The following KDM4C variants were observed in gnomAD, a reference collection of about 807,000 sequenced individuals.
KDM4C encodes lysine demethylase 4C, also known as lysine-specific demethylase 4C.
In KDM4C, 81 loss-of-function variants were observed where a neutral mutation model predicts 129.3. The observed-to-expected ratio is 0.63, with a 90% CI of 0.52 to 0.75. KDM4C has a LOEUF of 0.75. Among genes scored for constraint, KDM4C ranks in the 30% least tolerant of loss-of-function variants. The probability of loss-of-function intolerance (pLI) is 0.00; values close to 1 mark genes in which losing one functional copy is unlikely to be tolerated. For missense variants in KDM4C, 1,457 were observed against 1,304.0 expected (o/e 1.12, Z -1.81); for synonymous variants, 573 against 456.1 (o/e 1.26, Z -3.26).
At chr9:6,943,350 A>G (rs551887843) in intron 8 of KDM4C, among the ~76,000 whole-genome samples, 127 of 152,348 alleles carry the variant, frequency 8.3e-4, no homozygotes, top group Non-Finnish European at 1.4e-3. Flanking sequence ...TGAAGTCATT[A>G]TCATTTGAGG....
chr9:6,725,605 A>G (rs1010059580), intron 1 of KDM4C, among the ~76,000 whole-genome samples: 3 of 152,074 alleles, frequency 2.0e-5, no homozygotes, highest in African/African-American at 7.2e-5. Flanking sequence ...CTCCTGCCTC[A>G]GCCTCCCAAG....
At chr9:7,143,968 T>C (rs1376127821) in intron 19 of KDM4C, among the ~76,000 whole-genome samples, 1 of 152,234 alleles carries the variant, frequency 6.6e-6, no homozygotes, top group African/African-American at 2.4e-5. Context: ...AGATAGAAGC[T>C]GTAGCTTATG....
chr9:6,953,138 A>G (rs1341286228), intron 8 of KDM4C, among the ~76,000 whole-genome samples: 1 of 152,226 alleles, frequency 6.6e-6, no homozygotes, highest in Non-Finnish European at 1.5e-5. Flanking sequence ...TGGAGTAGGC[A>G]GTAGATCTTT....
chr9:6,796,075 A>G lies in KDM4C; in HGVS notation c.144+2943A>G, dbSNP rs149830776. Among the ~76,000 whole-genome samples, 7 of 152,294 alleles carry G rather than the reference A, an allele frequency of 4.6e-5. No homozygotes were observed. In the East Asian group the frequency reaches 1.2e-3, roughly 25 times the overall value. The stretch of plus-strand genomic sequence containing the variant: ...ACAAGATAAAGAGAAAACAAACAGA[A>G]ACTAAAGCTTCGTAATGACTTTCTC... On this transcript the variant is annotated intron_variant, in intron 2 of 21. Coordinates refer to ENST00000381309, the MANE Select transcript of KDM4C (RefSeq NM_015061.6).
intron 1 of KDM4C, among the ~76,000 whole-genome samples, chr9:6,781,099 T>C (rs55842150): frequency 0.096 from 14,679 of 152,226 alleles, 827 homozygotes; most frequent in Non-Finnish European, 0.11. Context: ...GAAGTGATTG[T>C]GCCAGGCTAG....
intron 3 of KDM4C, among the ~76,000 whole-genome samples, chr9:6,809,307 T>A (rs1052513630): frequency 3.3e-5 from 5 of 152,224 alleles, no homozygotes; most frequent in Non-Finnish European, 7.3e-5. Flanking sequence ...AGAATTCTTT[T>A]ATAAGTGCAA....
chr9:6,901,872 T>C (rs1205222459), intron 8 of KDM4C, among the ~76,000 whole-genome samples: 1 of 152,236 alleles, frequency 6.6e-6, no homozygotes, highest in Non-Finnish European at 1.5e-5. Context: ...TTCTGTATAG[T>C]GGCGCTTACA....
chr9:7,145,541 C>A (rs1842144133), intron 19 of KDM4C, among the ~76,000 whole-genome samples: 1 of 152,224 alleles, frequency 6.6e-6, no homozygotes, highest in Non-Finnish European at 1.5e-5. Context: ...CACAGCCAGA[C>A]ATCTCCTCTG....
At chr9:7,042,732 C>G (rs149097381) in intron 15 of KDM4C, among the ~76,000 whole-genome samples, 71 of 152,112 alleles carry the variant, frequency 4.7e-4, no homozygotes, top group African/African-American at 1.7e-3. Flanking sequence ...TACTTTGATA[C>G]CTTATGCCTT....
chr9:7,160,177 CTG>C (rs1232192518), intron 19 of KDM4C, among the ~76,000 whole-genome samples: 1 of 152,162 alleles, frequency 6.6e-6, no homozygotes, highest in African/African-American at 2.4e-5. Flanking sequence ...GTTTTCAGCT[CTG>C]TCAGGTCATT....
intron 5 of KDM4C, among the ~76,000 whole-genome samples, chr9:6,860,197 T>TG (rs141473130): frequency 0.01 from 1,586 of 152,076 alleles, 25 homozygotes; most frequent in African/African-American, 0.037. Flanking sequence ...GTGATGGGGA[T>TG]GGGGGGGCGT....
intron 9 of KDM4C, among the ~76,000 whole-genome samples, chr9:6,983,091 T>A (rs1817050422): frequency 6.6e-6 from 1 of 152,200 alleles, no homozygotes; most frequent in South Asian, 2.1e-4. Flanking sequence ...AATGCATGGA[T>A]TTGCAACAAA....
At position 6,758,192 on chromosome 9, in the gene KDM4C, C is replaced by G. The variant is rs980188160; in HGVS notation, c.-29C>G. ...CCACCGAGTCGTGCTCTCGCCCCAA[C>G]CCGCGCGCCAGGTAACCGCTTTTCC... On this transcript the variant is annotated 5_prime_UTR_variant, in exon 1 of 22. Transcript: ENST00000381309. The surrounding 1 kb of genome is among the most constrained non-coding windows in gnomAD (Gnocchi z 4.6). 6 of 985,936 alleles carry G rather than the reference C, an allele frequency of 6.1e-6. No homozygotes were observed. The highest frequency in any genetic ancestry group is 7.2e-6 in the Non-Finnish European group (6 of 830,360). The allele number at this position is 985,936 out of a possible 1,614,324, so 61.1% of individuals were successfully genotyped here. A position where few individuals can be genotyped will look rare whatever the true frequency, so the allele number is the denominator to read the frequency against.
chr9:6,893,980 A>G (rs1846469278), intron 8 of KDM4C, among the ~76,000 whole-genome samples: 3 of 152,214 alleles, frequency 2.0e-5, no homozygotes, highest in South Asian at 4.1e-4. Flanking sequence ...GGCAGCTTCT[A>G]AATAAAACTG....
intron 12 of KDM4C, among the ~76,000 whole-genome samples, chr9:6,996,359 T>G (rs1211917877): frequency 2.0e-5 from 3 of 152,272 alleles, no homozygotes; most frequent in Non-Finnish European, 4.4e-5. Context: ...TCTTCTGGCC[T>G]CATGGTGCAT....
chr9:6,802,850 G>C (rs1422510831), intron 2 of KDM4C, among the ~76,000 whole-genome samples: 1 of 152,226 alleles, frequency 6.6e-6, no homozygotes, highest in African/African-American at 2.4e-5. Flanking sequence ...CAGGTGGTCT[G>C]TCCACCTTGG....
At position 6,793,688 on chromosome 9, in the gene KDM4C, C is replaced by T. The variant is rs113982971; in HGVS notation, c.144+556C>T. The stretch of plus-strand genomic sequence containing the variant: ...CCGAAGTAGCTGGGATTACAGGCAC[C>T]CACCACCATGCCCCGCTAATTTTTT... On this transcript the variant is annotated intron_variant, in intron 2 of 21. Transcript: ENST00000381309. Among the ~76,000 whole-genome samples the T allele has an allele frequency of 2.0e-3, 302 of 151,836 alleles. 1 individual carries two copies. Among genetic ancestry groups the T allele is most frequent in the African/African-American group, 7.1e-3 (293 of 41,456 alleles).
At chr9:6,793,966 G>A (rs188660759) in intron 2 of KDM4C, among the ~76,000 whole-genome samples, 6 of 151,974 alleles carry the variant, frequency 3.9e-5, no homozygotes, top group Non-Finnish European at 7.4e-5. Context: ...AATCATTACC[G>A]CTATAGAATT....
chr9:6,748,897 A>G (rs1218851850), intron 1 of KDM4C: 4 of 963,412 alleles, frequency 4.2e-6, no homozygotes, highest in Non-Finnish European at 6.8e-6. Context: ...TGAATCTGCG[A>G]TCTATTTTGT....
Sources: gnomAD v4.1 joint callset for allele counts (sites outside exome capture counted in the v4.1 genomes callset) on GRCh38, gnomAD v4.1.1 for gene constraint, Gnocchi (gnomAD v3.1) non-coding constraint, MANE v1.5 for transcripts, NCBI Gene and HGNC (gene_info 2026-07-23, HGNC 2026-07-21) for gene names.